Variants in VSTM5 observed in about 807,000 individuals in gnomAD.
The protein encoded by VSTM5 is V-set and transmembrane domain containing 5, also known as V-set and transmembrane domain-containing protein 5.
In VSTM5, 21 loss-of-function variants were observed where a neutral mutation model predicts 20.3. The observed-to-expected ratio is 1.03, with a 90% confidence interval of 0.73 to 1.49. VSTM5 has a LOEUF of 1.49. VSTM5 is among the 40% of genes most tolerant of loss of function. The probability of loss-of-function intolerance (pLI) is 0.00; values close to 1 mark genes in which losing one functional copy is unlikely to be tolerated. For synonymous variants in VSTM5, 100 were observed against 102.5 expected, an observed-to-expected ratio of 0.98 and a Z score of 0.14; for missense variants, 219 against 250.0, an observed-to-expected ratio of 0.88 and a Z score of 0.84.
chr11:93,818,482 AC>A lies in VSTM5; in HGVS notation c.*2086del, dbSNP rs1364318888. 3.5e-5 allele frequency: 5 copies of A among 141,066 alleles called. No homozygotes were observed. The highest frequency in any genetic ancestry group is 7.2e-5 in the Admixed American group (1 of 13,824). 8.7% of individuals were successfully genotyped at this position (141,066 alleles called of 1,614,324 possible). ...AGGAAAGAAGCTTTTTTTAAAAAAA[AC>A]ATTGTAACTTCCCACACTACTGATG... is the stretch of plus-strand genomic sequence containing the variant. On this transcript the variant is annotated 3_prime_UTR_variant, in exon 4 of 4. Transcript: ENST00000409977.
chr11:93,822,678 T>C (rs1404585746), intron 1 of VSTM5, among the ~76,000 whole-genome samples: 2 of 150,600 alleles, frequency 1.3e-5, no homozygotes, highest in Non-Finnish European at 3.0e-5. Context: ...TTAGTAGAAA[T>C]GGGGTTTTGT....
At chr11:93,828,447 A>G (rs1381161422) in intron 1 of VSTM5, among the ~76,000 whole-genome samples, 1 of 152,244 alleles carries the variant, frequency 6.6e-6, no homozygotes, top group Non-Finnish European at 1.5e-5. Flanking sequence ...CTTACAAATA[A>G]ATTACAAAGG....
rs1944330148 is a variant in VSTM5 at position 93,837,238 on chromosome 11, G to T, written c.91+13174C>A. 5.3e-5 allele frequency among the ~76,000 whole-genome samples: 8 copies of T among 152,098 alleles called. 1 individual carries two copies. The South Asian group carries it at 1.7e-3, about 32-fold the overall frequency. ...GTGGAGCTAGGGTTTCACCATGTTG[G>T]CCAGGCTGGTCTCGAACTCCTGACC... On this transcript the variant is annotated intron_variant, in intron 1 of 3. Transcript: ENST00000409977.
chr11:93,844,805 G>A (rs1944401078), intron 1 of VSTM5, among the ~76,000 whole-genome samples: 1 of 152,194 alleles, frequency 6.6e-6, no homozygotes, highest in African/African-American at 2.4e-5. Context: ...AGCTGCTTAG[G>A]TTTTGACTTA....
rs985828478 is a variant in VSTM5 at position 93,820,464 on chromosome 11, G to T, written c.*105C>A. On this transcript the variant is annotated 3_prime_UTR_variant, in exon 4 of 4. Coordinates refer to ENST00000409977, the MANE Select transcript of VSTM5 (RefSeq NM_001144871.2). ...AATCTCCCACTGTCCTGTTAGGAGC[G>T]GGCTGCAACAGGACCACACACAATG... The T allele has an allele frequency of 1.7e-6, 2 of 1,202,232 alleles. No individual in the cohort carries two copies. 74.5% of individuals were successfully genotyped at this position (1,202,232 alleles called of 1,614,324 possible).
intron 1 of VSTM5, among the ~76,000 whole-genome samples, chr11:93,823,135 G>A (rs148594243): frequency 6.6e-6 from 1 of 151,754 alleles, no homozygotes; most frequent in Non-Finnish European, 1.5e-5. Flanking sequence ...GATACAACTG[G>A]AAACTGGCTG....
intron 1 of VSTM5, among the ~76,000 whole-genome samples, chr11:93,850,174 C>G (rs920214507): frequency 1.3e-5 from 2 of 152,016 alleles, no homozygotes; most frequent in African/African-American, 4.8e-5. Flanking sequence ...GCCGGGGCGC[C>G]GCGGCCGGTA....
At chr11:93,850,263 G>A (rs1944447920) in intron 1 of VSTM5, 149 bp downstream of exon 1, 2 of 570,708 alleles carry the variant, frequency 3.5e-6, no homozygotes, top group South Asian at 2.7e-5. Flanking sequence ...AGGAAGCGGC[G>A]CGGTGCCTGC....
rs556623653 is a variant in VSTM5 at position 93,848,344 on chromosome 11, C to T, written c.91+2068G>A. ...ACATTCATTTAACGTCTTTTAAGGG[C>T]GCAGGCCCTGGCTAGCACTGGGCAA... On this transcript the variant is annotated intron_variant, in intron 1 of 3. Coordinates refer to ENST00000409977, the MANE Select transcript of VSTM5 (RefSeq NM_001144871.2). 5.9e-5 allele frequency among the ~76,000 whole-genome samples: 9 copies of T among 152,278 alleles called. No individual in the cohort carries two copies. The South Asian group carries it at 8.3e-4, about 14-fold the overall frequency.
chr11:93,846,957 G>A (rs1184684433), intron 1 of VSTM5, among the ~76,000 whole-genome samples: 2 of 151,762 alleles, frequency 1.3e-5, no homozygotes, highest in Admixed American at 6.6e-5. Context: ...AGTAGAGACG[G>A]GGTTTCACTG....
intron 1 of VSTM5, among the ~76,000 whole-genome samples, chr11:93,822,240 C>A (rs894908327): frequency 6.6e-6 from 1 of 152,078 alleles, no homozygotes. Context: ...CGCCACCACA[C>A]CTGGCTAACT....
chr11:93,842,968 G>A (rs917654007), intron 1 of VSTM5, among the ~76,000 whole-genome samples: 1 of 152,060 alleles, frequency 6.6e-6, no homozygotes, highest in African/African-American at 2.4e-5. Flanking sequence ...GTGCACACCT[G>A]TAATCTCAGC....
intron 1 of VSTM5, among the ~76,000 whole-genome samples, chr11:93,843,134 C>G (rs1000319998): frequency 6.6e-6 from 1 of 151,992 alleles, no homozygotes; most frequent in African/African-American, 2.4e-5. Context: ...CTGGATACCA[C>G]AGGTTCGAGT....
rs1334608383 is a variant in VSTM5 at position 93,824,736 on chromosome 11, T to C, written c.92-3413A>G. On this transcript the variant is annotated intron_variant, in intron 1 of 3. Transcript: ENST00000409977. Reference sequence around the variant, plus strand: ...GTTTTGGGTGTCATCCAAAAAGTTATTGCCAAGACCAATGTCAAGAAGTTT... The same window carrying C: ...GTTTTGGGTGTCATCCAAAAAGTTACTGCCAAGACCAATGTCAAGAAGTTT... 2.6e-5 allele frequency among the ~76,000 whole-genome samples: 4 copies of C among 152,236 alleles called. No homozygotes were observed. In the East Asian group the frequency reaches 7.7e-4, roughly 29 times the overall value.
chr11:93,825,141 C>A (rs1386167946), intron 1 of VSTM5, among the ~76,000 whole-genome samples: 1 of 152,078 alleles, frequency 6.6e-6, no homozygotes, highest in Non-Finnish European at 1.5e-5. Flanking sequence ...TTTGGCTATT[C>A]AGGATCTTTT....
chr11:93,821,404 A>G (rs1944185151), intron 1 of VSTM5, 81 bp from the exon 2 acceptor site: 2 of 1,266,370 alleles, frequency 1.6e-6, no homozygotes, highest in South Asian at 3.0e-5. Context: ...TTGATCTATT[A>G]CACAAATATT....
Position 93,819,076 on chromosome 11 carries a change from T to C in VSTM5, c.*1493A>G, listed in dbSNP as rs1438711653. On this transcript the variant is annotated 3_prime_UTR_variant, in exon 4 of 4. Transcript: ENST00000409977. ...CTTCCCAAAACTCTGGATTCAATAT[T>C]GAGGGAAAGGGCTGTAACTTATCCA... 1 of 152,204 alleles carries C rather than the reference T, an allele frequency of 6.6e-6. No homozygotes were observed. Among genetic ancestry groups the C allele is most frequent in the Non-Finnish European group, 1.5e-5 (1 of 68,048 alleles). 9.4% of individuals were successfully genotyped at this position (152,204 alleles called of 1,614,324 possible). A position where few individuals can be genotyped will look rare whatever the true frequency, so the allele number is the denominator to read the frequency against.
intron 1 of VSTM5, among the ~76,000 whole-genome samples, chr11:93,839,272 C>T (rs1184604717): frequency 2.0e-5 from 3 of 152,192 alleles, no homozygotes; most frequent in Non-Finnish European, 2.9e-5. Flanking sequence ...AAGAGGCTGT[C>T]GGGCAGCAGG....
At chr11:93,820,636 G>T in intron 3 of VSTM5, 24 bp from the exon 4 acceptor site, 1 of 1,551,696 alleles carries the variant, frequency 6.4e-7, no homozygotes, top group South Asian at 1.2e-5. Context: ...ACAAGTCAAT[G>T]AGTTGGAAAT....
Sources: gnomAD v4.1 joint callset for allele counts (sites outside exome capture counted in the v4.1 genomes callset) on GRCh38, gnomAD v4.1.1 for gene constraint, MANE v1.5 for transcripts, NCBI Gene and HGNC (gene_info 2026-07-23, HGNC 2026-07-21) for gene names.